Variants in DPYSL2 observed in about 807,000 individuals in gnomAD.
DPYSL2 encodes dihydropyrimidinase-related protein 2.
DPYSL2 carries 13 observed loss-of-function variants against 69.9 expected under a neutral mutation model. The ratio of observed to expected loss-of-function variants is 0.19; its 90% CI spans 0.12 to 0.30. The LOEUF is 0.30. Ranked by LOEUF, DPYSL2 falls within the 10% of genes least tolerant of loss-of-function variation. DPYSL2 has a pLI of 1.00. For synonymous variants in DPYSL2, 326 were observed against 359.1 expected, an observed-to-expected ratio of 0.91 and a Z score of 1.04; for missense variants, 587 against 918.9, an observed-to-expected ratio of 0.64 and a Z score of 4.67.
chr8:26,618,831 GC>G (rs1047229323), intron 3 of DPYSL2, among the ~76,000 whole-genome samples: 1 of 150,772 alleles, frequency 6.6e-6, no homozygotes, highest in African/African-American at 2.4e-5. Flanking sequence ...GATGGCGCGC[GC>G]CTGTGATCCC....
At position 26,585,557 on chromosome 8, in the gene DPYSL2, T is replaced by G. The variant is rs1801582663; in HGVS notation, c.628+1574T>G. Among the ~76,000 whole-genome samples, 1 of 152,058 alleles carries G rather than the reference T, an allele frequency of 6.6e-6. No homozygotes were observed. Among genetic ancestry groups the G allele is most frequent in the African/African-American group, 2.4e-5 (1 of 41,374 alleles). ...TAGTGGGTGCCATTTTCCAGGGATG[T>G]CGGGGGGAGATTTCATGCACACCTA... is the stretch of plus-strand genomic sequence containing the variant. On this transcript the variant is annotated intron_variant, in intron 3 of 13. Transcript: ENST00000521913. The surrounding 1 kb of genome is among the most constrained non-coding windows in gnomAD (Gnocchi z 4.0).
rs570463558 is a variant in DPYSL2, at chr8:26,516,732, G to T, written c.354+2053G>T. ...TGCCCAGTTATTAGTAACAGAGGGC[G>T]ATTCTAGCTTGGCCTTTCTGCAGCA... On this transcript the variant is annotated intron_variant, in intron 1 of 13. Transcript: ENST00000521913. This position sits in a 1 kb window ranked among gnomAD's most constrained non-coding sequence, Gnocchi z 4.8. 1.3e-5 allele frequency among the ~76,000 whole-genome samples: 2 copies of T among 152,126 alleles called. No individual in the cohort carries two copies. The highest frequency in any genetic ancestry group is 1.5e-5 in the Non-Finnish European group (1 of 68,020).
chr8:26,518,314 C>T (rs951857408), intron 1 of DPYSL2, among the ~76,000 whole-genome samples: 59 of 151,988 alleles, frequency 3.9e-4, no homozygotes, highest in African/African-American at 1.3e-3. Flanking sequence ...AACCTAAGAC[C>T]CACCCGGGTT....
intron 7 of DPYSL2, among the ~76,000 whole-genome samples, chr8:26,629,969 G>A (rs1004783929): frequency 4.0e-5 from 5 of 124,592 alleles, no homozygotes; most frequent in Admixed American, 7.6e-5. Flanking sequence ...ACACACTCAC[G>A]TTCACACACA....
At position 26,605,235 on chromosome 8, in the gene DPYSL2, C is replaced by T. The variant is rs367652744; in HGVS notation, c.629-18908C>T. On this transcript the variant is annotated intron_variant, in intron 3 of 13. Coordinates refer to ENST00000521913, the MANE Select transcript of DPYSL2 (RefSeq NM_001197293.3). This position sits in a 1 kb window ranked among gnomAD's most constrained non-coding sequence, Gnocchi z 4.1. Reference sequence around the variant, plus strand: ...TTATCACTACTGTTTAACATGGTTCCGGATATGTTAGCCAGTGTAATAAGA... The same window carrying T: ...TTATCACTACTGTTTAACATGGTTCTGGATATGTTAGCCAGTGTAATAAGA... Among the ~76,000 whole-genome samples the T allele has an allele frequency of 5.3e-5, 8 of 151,856 alleles. No homozygotes were observed. The highest frequency in any genetic ancestry group is 1.7e-4 in the African/African-American group (7 of 41,404).
chr8:26,531,746 G>C (rs1356484992), intron 1 of DPYSL2, among the ~76,000 whole-genome samples: 1 of 152,054 alleles, frequency 6.6e-6, no homozygotes, highest in African/African-American at 2.4e-5. Flanking sequence ...AGGGAAGAGA[G>C]ACAACAGCAT....
chr8:26,607,355 C>T (rs147887528), intron 3 of DPYSL2, among the ~76,000 whole-genome samples: 44 of 151,644 alleles, frequency 2.9e-4, no homozygotes, highest in Admixed American at 6.6e-4. Context: ...CATGGTTGCA[C>T]GCCTGTAGTT....
At position 26,563,849 on chromosome 8, in the gene DPYSL2, G is replaced by GTGAATGAA. The variant is rs57663458; in HGVS notation, c.355-18099_355-18092dup. 1.9e-3 allele frequency among the ~76,000 whole-genome samples: 294 copies of GTGAATGAA among 151,868 alleles called. 2 individuals carry two copies. The highest frequency in any genetic ancestry group is 5.3e-3 in the African/African-American group (219 of 41,358). On this transcript the variant is annotated intron_variant, in intron 1 of 13. Coordinates refer to ENST00000521913, the MANE Select transcript of DPYSL2 (RefSeq NM_001197293.3). ...CACTTAATGTAACCTTGCTGGATGAGTGAATGAATGAATGAATGAATGAAT... is the reference window on the plus strand; with the variant it reads ...CACTTAATGTAACCTTGCTGGATGAGTGAATGAATGAATGAATGAATGAATGAATGAAT...
At position 26,641,201 on chromosome 8, in the gene DPYSL2, T is replaced by A. The variant is rs760926532; in HGVS notation, c.1127-2238T>A. On this transcript the variant is annotated intron_variant, in intron 8 of 13. Transcript: ENST00000521913. The surrounding 1 kb of genome is among the most constrained non-coding windows in gnomAD (Gnocchi z 4.1). ...GCAAGTTACAGGAAACTCAGGAAAA[T>A]GTTTATGTGTGTCCAGGGATTTTCA... Among the ~76,000 whole-genome samples the A allele has an allele frequency of 7.9e-5, 12 of 152,094 alleles. No individual in the cohort carries two copies. The highest frequency in any genetic ancestry group is 1.5e-4 in the Non-Finnish European group (10 of 67,982).
At chr8:26,537,838 A>T (rs1170542202) in intron 1 of DPYSL2, among the ~76,000 whole-genome samples, 1 of 152,176 alleles carries the variant, frequency 6.6e-6, no homozygotes, top group East Asian at 1.9e-4. Flanking sequence ...ATCCAATAAC[A>T]TTCTTTAGTA....
chr8:26,532,076 C>A (rs954556245), intron 1 of DPYSL2, among the ~76,000 whole-genome samples: 1 of 150,990 alleles, frequency 6.6e-6, no homozygotes, highest in African/African-American at 2.4e-5. Flanking sequence ...AGAGGAAGGC[C>A]CCAGAAGGGA....
chr8:26,590,252 G>A (rs1801695754), intron 3 of DPYSL2, among the ~76,000 whole-genome samples: 3 of 152,188 alleles, frequency 2.0e-5, no homozygotes, highest in South Asian at 2.1e-4. Context: ...GTGGCCTGGC[G>A]ATTAGAAAGC....
chr8:26,535,898 T>TGTGTG (rs1554532815), intron 1 of DPYSL2, among the ~76,000 whole-genome samples: 1 of 141,170 alleles, frequency 7.1e-6, no homozygotes, highest in African/African-American at 2.7e-5. Context: ...TCTCTATGGG[T>TGTGTG]TGTGTGTGTG....
In DPYSL2 at chr8:26,643,293, T is replaced by A; in HGVS notation, c.1127-146T>A. 1.2e-6 allele frequency: 1 copy of A among 833,280 alleles called. No individual in the cohort carries two copies. The highest frequency in any genetic ancestry group is 1.8e-6 in the Non-Finnish European group (1 of 559,964). 51.6% of individuals were successfully genotyped at this position (833,280 alleles called of 1,614,324 possible). On this transcript the variant is annotated intron_variant, in intron 8 of 13. Transcript: ENST00000521913. The surrounding 1 kb of genome is among the most constrained non-coding windows in gnomAD (Gnocchi z 6.5). ...TACTGAATTTCTCCAAGTCTCAGTT[T>A]CCTCATCTGCGAGATGAGCCTGATA...
rs954778007 is a variant in DPYSL2, at chr8:26,580,032, C to T, written c.355-1937C>T. Among the ~76,000 whole-genome samples the T allele has an allele frequency of 1.3e-5, 2 of 151,052 alleles. No individual in the cohort carries two copies. Among genetic ancestry groups the T allele is most frequent in the Non-Finnish European group, 2.9e-5 (2 of 67,878 alleles). On this transcript the variant is annotated intron_variant, in intron 1 of 13. Coordinates refer to ENST00000521913, the MANE Select transcript of DPYSL2 (RefSeq NM_001197293.3). The surrounding 1 kb of genome is among the most constrained non-coding windows in gnomAD (Gnocchi z 4.1). ...AGCATGGTATTCCTCCCTCCCTCAC[C>T]ACTGGCAGCCTCTTATGTAAGAGCC...
rs1801920879 is a variant in DPYSL2, at chr8:26,598,674, T to G, written c.628+14691T>G. Among the ~76,000 whole-genome samples, 1 of 152,172 alleles carries G rather than the reference T, an allele frequency of 6.6e-6. No individual in the cohort carries two copies. The highest frequency in any genetic ancestry group is 2.1e-4 in the South Asian group (1 of 4,826). On this transcript the variant is annotated intron_variant, in intron 3 of 13. Coordinates refer to ENST00000521913, the MANE Select transcript of DPYSL2 (RefSeq NM_001197293.3). The surrounding 1 kb of genome is among the most constrained non-coding windows in gnomAD (Gnocchi z 4.2). ...AGCACAAAGTACTTTGAAATAAAGA[T>G]TGGCTCGCAGGGCAGGTTGAAGCTT...
Position 26,647,584 on chromosome 8 carries a change from GT to G in DPYSL2, c.1426-43del, listed in dbSNP as rs773664705. The G allele has an allele frequency of 8.4e-6, 13 of 1,546,254 alleles. No homozygotes were observed. The highest frequency in any genetic ancestry group is 8.7e-6 in the Non-Finnish European group (10 of 1,146,286). On this transcript the variant is annotated intron_variant, in intron 10 of 13. Transcript: ENST00000521913. This position sits in a 1 kb window ranked among gnomAD's most constrained non-coding sequence, Gnocchi z 5.1. ...TTATTGAAAAGTAACTTTTTAACTC[GT>G]TTCTGCTGTGTGCCTCCTGTGCACA...
chr8:26,555,794 G>A (rs2117642058), intron 1 of DPYSL2, among the ~76,000 whole-genome samples: 2 of 150,448 alleles, frequency 1.3e-5, no homozygotes, highest in Admixed American at 1.3e-4. Flanking sequence ...GGATGAGTTG[G>A]AAAGATTGCT....
intron 1 of DPYSL2, 97 bp from the exon 2 acceptor site, chr8:26,581,872 T>C (rs1801500997): frequency 1.0e-6 from 1 of 988,796 alleles, no homozygotes; most frequent in Non-Finnish European, 1.6e-6. Flanking sequence ...TGAACATCAC[T>C]TTTGAACAGT....
Sources: allele counts gnomAD v4.1 joint callset (sites outside exome capture counted in the v4.1 genomes callset), GRCh38; gene constraint gnomAD v4.1.1; non-coding constraint Gnocchi (gnomAD v3.1); transcripts MANE v1.5; gene names NCBI Gene and HGNC (gene_info 2026-07-23, HGNC 2026-07-21).